The following EBF3 variants were observed in gnomAD, a reference collection of about 807,000 sequenced individuals.
The protein encoded by EBF3 is EBF transcription factor 3, also known as transcription factor COE3.
A neutral mutation model predicts 77.1 loss-of-function variants in EBF3; 18 were observed. The ratio of observed to expected loss-of-function variants is 0.23; its 90% CI spans 0.16 to 0.35. The LOEUF (loss-of-function observed/expected upper bound fraction) is 0.35. Ranked by LOEUF, EBF3 falls within the 10% of genes least tolerant of loss-of-function variation. The probability of loss-of-function intolerance (pLI) is 1.00; values close to 1 mark genes in which losing one functional copy is unlikely to be tolerated. For missense variants in EBF3, 558 were observed against 860.0 expected (o/e 0.65, Z 4.39); for synonymous variants, 350 against 343.5 (o/e 1.02, Z -0.21).
intron 6 of EBF3, among the ~76,000 whole-genome samples, chr10:129,923,723 A>G (rs963323378): frequency 1.3e-5 from 2 of 152,266 alleles, no homozygotes; most frequent in African/African-American, 4.8e-5. Context: ...AGATGTCGCA[A>G]CATTGGATTT....
chr10:129,845,493 T>C (rs372898165), intron 11 of EBF3: 1 of 152,214 alleles, frequency 6.6e-6, no homozygotes, highest in South Asian at 2.1e-4. Context: ...TGAATATACA[T>C]GATTATTCAC....
intron 7 of EBF3, 149 bp from the exon 8 acceptor site, chr10:129,873,745 T>A (rs1427068183): frequency 2.3e-6 from 2 of 866,244 alleles, no homozygotes; most frequent in Admixed American, 8.2e-5. Context: ...GTTCACAGCT[T>A]TTTTGGCTAA....
At chr10:129,930,836 G>A (rs1337504450) in intron 6 of EBF3, among the ~76,000 whole-genome samples, 56 of 113,186 alleles carry the variant, frequency 4.9e-4, no homozygotes, top group South Asian at 5.9e-4. Flanking sequence ...ATCTATATCT[G>A]TATCTGTCTA....
At chr10:129,948,259 CAAAAAAAAAA>C (rs71481027) in intron 6 of EBF3, among the ~76,000 whole-genome samples, 1 of 45,754 alleles carries the variant, frequency 2.2e-5, no homozygotes, top group South Asian at 8.6e-4. Context: ...AACTCCGTCT[CAAAAAAAAAA>C]AAAAAAAAAA....
chr10:129,892,134 A>C (rs1854058999), intron 6 of EBF3, among the ~76,000 whole-genome samples: 1 of 152,246 alleles, frequency 6.6e-6, no homozygotes, highest in Non-Finnish European at 1.5e-5. Flanking sequence ...AACTTGACTG[A>C]GCAGGATGAT....
At chr10:129,849,014 C>T (rs1850666498) in intron 10 of EBF3, among the ~76,000 whole-genome samples, 1 of 152,216 alleles carries the variant, frequency 6.6e-6, no homozygotes, top group Non-Finnish European at 1.5e-5. Context: ...AGGGCACTAT[C>T]ATTCTACAGC....
intron 11 of EBF3, chr10:129,845,870 AATAAAT>A (rs1249628215): frequency 1.3e-5 from 2 of 152,134 alleles, no homozygotes; most frequent in African/African-American, 4.8e-5. Flanking sequence ...TGCACCTTAT[AATAAAT>A]ATAATTTGTT....
chr10:129,846,286 T>C (rs1032717798), intron 11 of EBF3, among the ~76,000 whole-genome samples: 2 of 152,076 alleles, frequency 1.3e-5, no homozygotes, highest in Non-Finnish European at 2.9e-5. Context: ...TCCAAAACAA[T>C]GTGTGTGCAA....
At chr10:129,919,324 G>C (rs1169773391) in intron 6 of EBF3, among the ~76,000 whole-genome samples, 2 of 152,228 alleles carry the variant, frequency 1.3e-5, no homozygotes, top group East Asian at 1.9e-4. Context: ...GGAGGGAACA[G>C]TGGAGGCGGA....
In EBF3 at chr10:129,912,029, C is replaced by T. The variant is rs112070415; in HGVS notation, c.555-34180G>A. 1.4e-4 allele frequency among the ~76,000 whole-genome samples: 22 copies of T among 152,320 alleles called. 1 individual carries two copies. The highest frequency in any genetic ancestry group is 4.3e-4 in the African/African-American group (18 of 41,568). ...ACGCCCGGGTGTGCACGTCCACCTG[C>T]GTGGGACTCCCCGTGAAGGAATGCC... On this transcript the variant is annotated intron_variant, in intron 6 of 16. Transcript: ENST00000440978.
chr10:129,933,096 C>T (rs1047538425), intron 6 of EBF3, among the ~76,000 whole-genome samples: 3 of 152,074 alleles, frequency 2.0e-5, no homozygotes, highest in Admixed American at 6.5e-5. Flanking sequence ...AAATCTCATT[C>T]GCTTGGAATC....
intron 11 of EBF3, among the ~76,000 whole-genome samples, chr10:129,844,134 G>C (rs1170842769): frequency 6.6e-6 from 1 of 152,212 alleles, no homozygotes; most frequent in Non-Finnish European, 1.5e-5. Flanking sequence ...TGCTAGCACA[G>C]AGGTGAAGAG....
At chr10:129,886,160 C>T (rs1361223814) in intron 6 of EBF3, among the ~76,000 whole-genome samples, 1 of 149,912 alleles carries the variant, frequency 6.7e-6, no homozygotes, top group Non-Finnish European at 1.5e-5. Flanking sequence ...GAACTATCAT[C>T]TTTGTAGGCT....
rs939496293 is a variant in EBF3, at chr10:129,897,819, T to G, written c.555-19970A>C. Among the ~76,000 whole-genome samples the G allele has an allele frequency of 6.6e-6, 1 of 152,228 alleles. No individual in the cohort carries two copies. The highest frequency in any genetic ancestry group is 2.4e-5 in the African/African-American group (1 of 41,454). Reference sequence around the variant, plus strand: ...ATCGTGACGGGGCCACTTGTGGGTATGCGAGTACATGGCGGCCAGAGGCAG... The same window carrying G: ...ATCGTGACGGGGCCACTTGTGGGTAGGCGAGTACATGGCGGCCAGAGGCAG... On this transcript the variant is annotated intron_variant, in intron 6 of 16. Transcript: ENST00000440978. This position sits in a 1 kb window ranked among gnomAD's most constrained non-coding sequence, Gnocchi z 4.6.
chr10:129,880,615 T>C (rs935055785), intron 6 of EBF3, among the ~76,000 whole-genome samples: 3 of 152,176 alleles, frequency 2.0e-5, no homozygotes, highest in African/African-American at 7.2e-5. Context: ...TGCAAGTACT[T>C]GAGAAAGAGC....
chr10:129,843,246 C>A (rs1201454002), intron 11 of EBF3, 44 bp from the exon 12 acceptor site: 1 of 1,573,828 alleles, frequency 6.4e-7, no homozygotes. Flanking sequence ...GAGGAACCGG[C>A]CAGTTATCAC....
intron 4 of EBF3, among the ~76,000 whole-genome samples, chr10:129,961,762 G>A (rs917831374): frequency 6.6e-6 from 1 of 152,054 alleles, no homozygotes; most frequent in Admixed American, 6.6e-5. Flanking sequence ...GAAAAAAAAT[G>A]AACTAATCAA....
At chr10:129,919,971 T>C (rs1294139401) in intron 6 of EBF3, among the ~76,000 whole-genome samples, 4 of 148,254 alleles carry the variant, frequency 2.7e-5, no homozygotes, top group African/African-American at 1.0e-4. Context: ...CGCTGTGCAG[T>C]CTAGGGCGAG....
At chr10:129,884,771 T>C (rs1853455529) in intron 6 of EBF3, among the ~76,000 whole-genome samples, 1 of 152,192 alleles carries the variant, frequency 6.6e-6, no homozygotes, top group Non-Finnish European at 1.5e-5. Flanking sequence ...TAAATGTAGA[T>C]GTATGAGGAT....
Sources: gnomAD v4.1 joint callset for allele counts (sites outside exome capture counted in the v4.1 genomes callset) on GRCh38, gnomAD v4.1.1 for gene constraint, Gnocchi (gnomAD v3.1) non-coding constraint, MANE v1.5 for transcripts, NCBI Gene and HGNC (gene_info 2026-07-23, HGNC 2026-07-21) for gene names.